The following PPP4C variants were observed in gnomAD, a reference collection of about 807,000 sequenced individuals.
PPP4C encodes serine/threonine-protein phosphatase 4 catalytic subunit.
A neutral mutation model predicts 40.5 loss-of-function variants in PPP4C; 10 were observed. The ratio of observed to expected loss-of-function variants is 0.25; its 90% CI spans 0.15 to 0.42. PPP4C has a LOEUF of 0.42. PPP4C is among the 10% of genes least tolerant of loss of function. The probability of loss-of-function intolerance (pLI) is 1.00; values close to 1 mark genes in which losing one functional copy is unlikely to be tolerated. For synonymous variants in PPP4C, 187 were observed against 163.6 expected (o/e 1.14, Z -1.09); for missense variants, 191 against 416.4 (o/e 0.46, Z 4.71).
chr16:30,076,132 C>T lies in PPP4C; in HGVS notation c.-64+38C>T, dbSNP rs1439950227. 7.3e-5 allele frequency: 41 copies of T among 558,924 alleles called. No individual in the cohort carries two copies. The East Asian group carries it at 1.2e-3, about 17-fold the overall frequency. The allele number at this position is 558,924 out of a possible 1,614,324, so 34.6% of individuals were successfully genotyped here. On this transcript the variant is annotated intron_variant, in intron 1 of 8. Coordinates refer to ENST00000279387, the MANE Select transcript of PPP4C (RefSeq NM_002720.3). ...GACTCCTCTAAGTCACCGTCCTTAG[C>T]GCGGGACCGCGGGGTTCGACGGGAG... is the stretch of plus-strand genomic sequence containing the variant.
chr16:30,084,825 C>T lies in PPP4C; in HGVS notation c.764C>T (p.Thr255Ile). The change falls in exon 8 of 9, where the codon ACT becomes ATT. Residue 255 changes from threonine (T) to isoleucine (I), a missense_variant. Coordinates refer to ENST00000279387, the MANE Select transcript of PPP4C (RefSeq NM_002720.3). ...YKWHFNETVLTVWSAPNYCYR... is the reference protein window; with the variant it reads ...YKWHFNETVLIVWSAPNYCYR... ...TGGCACTTCAATGAGACGGTGCTCA[C>T]TGTGTGGTCGGCACCCAACTACTGC... The T allele has an allele frequency of 6.2e-7, 1 of 1,614,250 alleles. No individual in the cohort carries two copies. The highest frequency in any genetic ancestry group is 8.5e-7 in the Non-Finnish European group (1 of 1,180,038).
At chr16:30,079,269 A>C (rs1433053519) in intron 2 of PPP4C, among the ~76,000 whole-genome samples, 1 of 149,682 alleles carries the variant, frequency 6.7e-6, no homozygotes, top group African/African-American at 2.5e-5. Context: ...GGCTCACTGC[A>C]ACCTCCACCT....
chr16:30,083,256 C>G lies in PPP4C; in HGVS notation c.304-138C>G. On this transcript the variant is annotated intron_variant, in intron 5 of 8. Coordinates refer to ENST00000279387, the MANE Select transcript of PPP4C (RefSeq NM_002720.3). The surrounding 1 kb of genome is among the most constrained non-coding windows in gnomAD (Gnocchi z 6.3). ...TGGGCCTGGGAGGTGGCTGATGCCA[C>G]ACGATTCAGGCAAGAGGTGCCAGGA... 1 of 1,018,240 alleles carries G rather than the reference C, an allele frequency of 9.8e-7. No individual in the cohort carries two copies. The highest frequency in any genetic ancestry group is 1.5e-6 in the Non-Finnish European group (1 of 687,922). 63.1% of individuals were successfully genotyped at this position (1,018,240 alleles called of 1,614,324 possible).
chr16:30,082,082 G>A (rs1010470846), intron 3 of PPP4C, among the ~76,000 whole-genome samples: 1,554 of 152,084 alleles, frequency 0.01, 18 homozygotes, highest in African/African-American at 0.035. Context: ...GGAAAGAAAA[G>A]AAAGGGGTTA....
At chr16:30,082,680 T>G (rs2072533235) in intron 4 of PPP4C, 66 bp from the exon 5 acceptor site, 1 of 1,550,486 alleles carries the variant, frequency 6.4e-7, no homozygotes, top group Non-Finnish European at 8.9e-7. Flanking sequence ...GGGCCTCCGC[T>G]GGACAGAAAC....
In PPP4C at chr16:30,085,305, T is replaced by C. The variant is rs1338373406; in HGVS notation, c.*243T>C. The C allele has an allele frequency of 5.1e-6, 2 of 393,414 alleles. No homozygotes were observed. Among genetic ancestry groups the C allele is most frequent in the African/African-American group, 2.1e-5 (1 of 48,540 alleles). 24.4% of individuals were successfully genotyped at this position (393,414 alleles called of 1,614,324 possible). A position where few individuals can be genotyped will look rare whatever the true frequency, so the allele number is the denominator to read the frequency against. ...ATTTTTTTTTCTTTTTTTCCTTCTT[T>C]TTTCTGTTTGTTTTTAGATAAAAAT... On this transcript the variant is annotated 3_prime_UTR_variant, in exon 9 of 9. Coordinates refer to ENST00000279387, the MANE Select transcript of PPP4C (RefSeq NM_002720.3).
At chr16:30,081,011 C>G (rs2072495576) in intron 2 of PPP4C, among the ~76,000 whole-genome samples, 1 of 152,170 alleles carries the variant, frequency 6.6e-6, no homozygotes, top group Non-Finnish European at 1.5e-5. Context: ...GGAAAAGTCC[C>G]AGCCTGCTCA....
At position 30,083,648 on chromosome 16, in the gene PPP4C, C is replaced by T; in HGVS notation, c.478-7C>T. 4 of 1,614,164 alleles carry T rather than the reference C, an allele frequency of 2.5e-6. No individual in the cohort carries two copies. Among genetic ancestry groups the T allele is most frequent in the Non-Finnish European group, 3.4e-6 (4 of 1,180,034 alleles). On this transcript the variant is annotated splice_region_variant and splice_polypyrimidine_tract_variant and intron_variant, in intron 6 of 8. Transcript: ENST00000279387. This position sits in a 1 kb window ranked among gnomAD's most constrained non-coding sequence, Gnocchi z 6.3. The stretch of plus-strand genomic sequence containing the variant: ...GCCCCGTCCTCTTTCCCTGCTCTCC[C>T]CTGTAGATCTTCTGCGTGCACGGGG...
chr16:30,076,066 G>A lies in PPP4C; in HGVS notation c.-92G>A, dbSNP rs1035600302. The A allele has an allele frequency of 2.3e-6, 1 of 434,036 alleles. No individual in the cohort carries two copies. Among genetic ancestry groups the A allele is most frequent in the South Asian group, 3.0e-5 (1 of 33,668 alleles). The allele number at this position is 434,036 out of a possible 1,614,324, so 26.9% of individuals were successfully genotyped here. ...GAGTGAAAGAGGGAGGCAGGGAGCC[G>A]GAGAGCCGGAACCGGAGTCGCAGCG... On this transcript the variant is annotated 5_prime_UTR_variant, in exon 1 of 9. Coordinates refer to ENST00000279387, the MANE Select transcript of PPP4C (RefSeq NM_002720.3).
chr16:30,076,452 C>T lies in PPP4C; in HGVS notation c.75C>T (p.Val25=). Residue 25 remains valine, a synonymous_variant, in exon 2 of 9, where the codon GTC becomes GTT. Transcript: ENST00000279387. ...GCGAGCTCATCAAGGAGAGCGAAGT[C>T]AAGGCCCTGTGCGCTAAGGCCAGGT... ...RRCELIKESE[V]KALCAKAREI... The T allele has an allele frequency of 6.2e-7, 1 of 1,612,968 alleles. No individual in the cohort carries two copies. The highest frequency in any genetic ancestry group is 8.5e-7 in the Non-Finnish European group (1 of 1,179,674).
At chr16:30,076,291 C>T (rs1405816183) in intron 1 of PPP4C, 24 bp from the exon 2 acceptor site, 12 of 1,355,932 alleles carry the variant, frequency 8.8e-6, no homozygotes, top group African/African-American at 1.4e-5. Flanking sequence ...CACTGATCCG[C>T]GGGCTCGTCT....
At chr16:30,076,254 A>T in intron 1 of PPP4C, 61 bp from the exon 2 acceptor site, 1 of 963,808 alleles carries the variant, frequency 1.0e-6, no homozygotes, top group Non-Finnish European at 1.5e-6. Context: ...TCTAGAATCG[A>T]GTTGTCCGCT....
rs776083065 is a variant in PPP4C, at chr16:30,083,332, T to G, written c.304-62T>G. ...TGGCAGGCTGGCGGGCACGAGGAGG[T>G]CAGAGAGGGATGTGTGGAGAGACCG... On this transcript the variant is annotated intron_variant, in intron 5 of 8. Coordinates refer to ENST00000279387, the MANE Select transcript of PPP4C (RefSeq NM_002720.3). This position sits in a 1 kb window ranked among gnomAD's most constrained non-coding sequence, Gnocchi z 6.3. 6.4e-7 allele frequency: 1 copy of G among 1,550,582 alleles called. No homozygotes were observed.
At chr16:30,082,715 C>T (rs1304681764) in intron 4 of PPP4C, 31 bp from the exon 5 acceptor site, 10 of 1,598,254 alleles carry the variant, frequency 6.3e-6, no homozygotes, top group East Asian at 4.5e-5. Flanking sequence ...GGACTGTTTA[C>T]GACAGGGCAA....
chr16:30,083,194 G>A lies in PPP4C; in HGVS notation c.304-200G>A. 1 of 655,356 alleles carries A rather than the reference G, an allele frequency of 1.5e-6. No homozygotes were observed. The highest frequency in any genetic ancestry group is 2.6e-6 in the Non-Finnish European group (1 of 378,660). The allele number at this position is 655,356 out of a possible 1,614,324, so 40.6% of individuals were successfully genotyped here. Reference sequence around the variant, plus strand: ...AAGAGCCATTAGGTTCATAGTTGAGGGAATGGGTCAGCTTTACATTCTCTG... The same window carrying A: ...AAGAGCCATTAGGTTCATAGTTGAGAGAATGGGTCAGCTTTACATTCTCTG... On this transcript the variant is annotated intron_variant, in intron 5 of 8. Coordinates refer to ENST00000279387, the MANE Select transcript of PPP4C (RefSeq NM_002720.3). The surrounding 1 kb of genome is among the most constrained non-coding windows in gnomAD (Gnocchi z 6.3).
At position 30,083,525 on chromosome 16, in the gene PPP4C, G is replaced by C; in HGVS notation, c.435G>C (p.Glu145Asp). 2 of 1,614,154 alleles carry C rather than the reference G, an allele frequency of 1.2e-6. No individual in the cohort carries two copies. Among genetic ancestry groups the C allele is most frequent in the Non-Finnish European group, 1.7e-6 (2 of 1,180,026 alleles). The change falls in exon 6 of 9, where the codon GAG becomes GAC. Residue 145 changes from glutamate to aspartate, a missense_variant. Glu to Asp is a conservative substitution (Grantham distance 45, BLOSUM62 2). Around this residue, in one of 3 missense-constraint regions of PPP4C, gnomAD observed 171 missense variants for 352.4 expected, o/e 0.49. Coordinates refer to ENST00000279387, the MANE Select transcript of PPP4C (RefSeq NM_002720.3). This position sits in a 1 kb window ranked among gnomAD's most constrained non-coding sequence, Gnocchi z 6.3. ...TGACTGTGTGGCGCTACTGCACTGA[G>C]ATCTTTGACTACCTCAGCCTGTCAG... ...GSVTVWRYCT[E>D]IFDYLSLSAI...
chr16:30,085,159 T>A lies in PPP4C; in HGVS notation c.*97T>A. 1 of 1,468,710 alleles carries A rather than the reference T, an allele frequency of 6.8e-7. No individual in the cohort carries two copies. Among genetic ancestry groups the A allele is most frequent in the Admixed American group, 1.8e-5 (1 of 55,888 alleles). 91.0% of individuals were successfully genotyped at this position (1,468,710 alleles called of 1,614,324 possible). Reference sequence around the variant, plus strand: ...CGGAGGCTGGGCGTGGGGGGGGCTGTCCTGGCTCTGCTGTCCCCCAAGAGG... The same window carrying A: ...CGGAGGCTGGGCGTGGGGGGGGCTGACCTGGCTCTGCTGTCCCCCAAGAGG... On this transcript the variant is annotated 3_prime_UTR_variant, in exon 9 of 9. Coordinates refer to ENST00000279387, the MANE Select transcript of PPP4C (RefSeq NM_002720.3).
chr16:30,082,068 G>T (rs28592059), intron 3 of PPP4C, among the ~76,000 whole-genome samples: 2 of 71,354 alleles, frequency 2.8e-5, no homozygotes, highest in African/African-American at 7.1e-5. Context: ...AAAAAAAAAA[G>T]AAAGGAAAGA....
intron 2 of PPP4C, among the ~76,000 whole-genome samples, chr16:30,077,640 A>G (rs937620244): frequency 6.6e-6 from 1 of 152,158 alleles, no homozygotes; most frequent in Non-Finnish European, 1.5e-5. Context: ...CCACAGAATT[A>G]CCCTACGTTT....
Sources: allele counts gnomAD v4.1 joint callset (sites outside exome capture counted in the v4.1 genomes callset), GRCh38; gene constraint gnomAD v4.1.1; regional missense constraint gnomAD v4.1.1; non-coding constraint Gnocchi (gnomAD v3.1); transcripts MANE v1.5; gene names NCBI Gene and HGNC (gene_info 2026-07-23, HGNC 2026-07-21).